LRP1B: variants seen among roughly 807,000 people sequenced by gnomAD.
LRP1B encodes LDL receptor related protein 1B, also known as low-density lipoprotein receptor-related protein 1B.
LRP1B carries 217 observed loss-of-function variants against 556.6 expected under a neutral mutation model. The observed-to-expected ratio is 0.39, with a 90% CI of 0.35 to 0.44. The LOEUF is 0.44. Among genes scored for constraint, LRP1B ranks in the 20% least tolerant of loss-of-function variants. LRP1B has a pLI of 1.00. For synonymous variants in LRP1B, 2,047 were observed against 1,865.8 expected, an observed-to-expected ratio of 1.10 and a Z score of -2.50; for missense variants, 5,053 against 5,620.8, an observed-to-expected ratio of 0.90 and a Z score of 3.23.
In LRP1B at chr2:141,062,182, T is replaced by C. The variant is rs138996626; in HGVS notation, c.1105A>G (p.Thr369Ala). Residue 369 changes from threonine to alanine, a missense_variant, in exon 8 of 91, where the codon ACA (threonine) becomes GCA (alanine). Thr to Ala is a moderately conservative substitution (Grantham distance 58, BLOSUM62 0). Around this residue, in one of 5 missense-constraint regions of LRP1B, gnomAD observed 3,619 missense variants for 3,931.9 expected, o/e 0.92. Coordinates refer to ENST00000389484, the MANE Select transcript of LRP1B (RefSeq NM_018557.3). ...AGTGCCAGTGCAGCTGGCTGCTCTGTCTTTGAATCAATTATCCTTGTTCGG... is the reference window on the plus strand; with the variant it reads ...AGTGCCAGTGCAGCTGGCTGCTCTGCCTTTGAATCAATTATCCTTGTTCGG... ...MNRTRIIDSKTEQPAALALDL... is the reference protein window; with the variant it reads ...MNRTRIIDSKAEQPAALALDL... 1,649 of 1,611,978 alleles carry C rather than the reference T, an allele frequency of 1.0e-3. 4 individuals are homozygous for C. The highest frequency in any genetic ancestry group is 1.3e-3 in the Non-Finnish European group (1,543 of 1,178,644).
At chr2:141,912,524 A>G (rs1216614388) in intron 1 of LRP1B, among the ~76,000 whole-genome samples, 2 of 152,194 alleles carry the variant, frequency 1.3e-5, no homozygotes, top group Non-Finnish European at 2.9e-5. Context: ...AGATGGAGCT[A>G]GGAAACATCA....
In LRP1B at chr2:141,859,170, A is replaced by G. The variant is rs557624167; in HGVS notation, c.83-48769T>C. ...AATACATTGCTTCCTTTTCCCTCAT[A>G]CAATTGTTTTGTCCCTTAAATATTC... On this transcript the variant is annotated intron_variant, in intron 1 of 90. Coordinates refer to ENST00000389484, the MANE Select transcript of LRP1B (RefSeq NM_018557.3). Among the ~76,000 whole-genome samples the G allele has an allele frequency of 2.0e-5, 3 of 152,272 alleles. No individual in the cohort carries two copies. In the South Asian group the frequency reaches 6.2e-4, roughly 32 times the overall value.
intron 2 of LRP1B, among the ~76,000 whole-genome samples, chr2:141,803,046 T>A (rs940356530): frequency 3.9e-5 from 6 of 152,090 alleles, no homozygotes; most frequent in Non-Finnish European, 8.8e-5. Flanking sequence ...TTCCCCATAG[T>A]TTATAGCCCC....
intron 2 of LRP1B, among the ~76,000 whole-genome samples, chr2:141,639,223 G>T (rs1333789891): frequency 7.2e-6 from 1 of 138,452 alleles, no homozygotes; most frequent in Non-Finnish European, 1.5e-5. Flanking sequence ...TCTTTGCATG[G>T]TCTCTTCACG....
At chr2:140,275,177 A>G (rs1428618295) in intron 84 of LRP1B, among the ~76,000 whole-genome samples, 1 of 152,004 alleles carries the variant, frequency 6.6e-6, no homozygotes, top group Non-Finnish European at 1.5e-5. Flanking sequence ...CCAGGCACAA[A>G]TGTTTCTTAT....
intron 4 of LRP1B, among the ~76,000 whole-genome samples, chr2:141,254,197 T>C (rs111458142): frequency 6.6e-6 from 1 of 152,124 alleles, no homozygotes; most frequent in Non-Finnish European, 1.5e-5. Context: ...TAATAACACA[T>C]GTCTACTAGA....
At chr2:141,700,018 A>T (rs374834252) in intron 2 of LRP1B, among the ~76,000 whole-genome samples, 14 of 151,412 alleles carry the variant, frequency 9.2e-5, no homozygotes, top group East Asian at 3.9e-4. Context: ...ATATGTAAAT[A>T]TGAGGTTTAG....
At chr2:141,660,765 G>A (rs576330780) in intron 2 of LRP1B, among the ~76,000 whole-genome samples, 162 of 152,186 alleles carry the variant, frequency 1.1e-3, no homozygotes, top group African/African-American at 3.6e-3. Flanking sequence ...TGAAAAATCC[G>A]GGCCGTCCAG....
chr2:140,608,132 T>G (rs1682937458), intron 41 of LRP1B, among the ~76,000 whole-genome samples: 1 of 152,066 alleles, frequency 6.6e-6, no homozygotes, highest in Non-Finnish European at 1.5e-5. Context: ...AAATAAAAAT[T>G]TTCATTATTT....
intron 47 of LRP1B, among the ~76,000 whole-genome samples, chr2:140,530,091 A>G (rs16844151): frequency 0.041 from 6,260 of 152,262 alleles, 210 homozygotes; most frequent in South Asian, 0.12. Flanking sequence ...TACTACTGAC[A>G]TCTAAATTCA....
chr2:141,941,187 G>C (rs1241680456), intron 1 of LRP1B, among the ~76,000 whole-genome samples: 1 of 152,156 alleles, frequency 6.6e-6, no homozygotes, highest in Non-Finnish European at 1.5e-5. Context: ...AAATAGATGA[G>C]TTAACATTTA....
chr2:142,037,924 T>C (rs897728955), intron 1 of LRP1B, among the ~76,000 whole-genome samples: 5 of 151,546 alleles, frequency 3.3e-5, no homozygotes, highest in Non-Finnish European at 5.9e-5. Flanking sequence ...AAGCTTGGTG[T>C]GAGCTCCTGG....
At chr2:141,156,418 G>C (rs1702068089) in intron 7 of LRP1B, among the ~76,000 whole-genome samples, 1 of 152,062 alleles carries the variant, frequency 6.6e-6, no homozygotes, top group African/African-American at 2.4e-5. Context: ...CCTGAAGTCA[G>C]GAGTTCAAGA....
chr2:141,299,950 T>C (rs554684651), intron 3 of LRP1B, among the ~76,000 whole-genome samples: 106 of 152,310 alleles, frequency 7.0e-4, no homozygotes, highest in African/African-American at 2.5e-3. Context: ...TCCAATATGA[T>C]GGCATTAGGA....
intron 22 of LRP1B, among the ~76,000 whole-genome samples, chr2:140,903,968 G>A (rs887961641): frequency 5.3e-5 from 8 of 151,956 alleles, no homozygotes; most frequent in African/African-American, 1.9e-4. Context: ...TGATTAGCTT[G>A]TAAAAAAGAT....
intron 20 of LRP1B, among the ~76,000 whole-genome samples, chr2:140,938,169 A>G (rs978574543): frequency 5.3e-5 from 8 of 152,022 alleles, no homozygotes; most frequent in African/African-American, 1.9e-4. Flanking sequence ...CAATAAAATA[A>G]CTGAACTAAA....
chr2:140,848,247 T>C (rs1485643623), intron 29 of LRP1B, among the ~76,000 whole-genome samples: 1 of 152,204 alleles, frequency 6.6e-6, no homozygotes, highest in Non-Finnish European at 1.5e-5. Flanking sequence ...TAATCCAGTC[T>C]AACAATGCTT....
At chr2:140,540,448 T>C (rs2105014777) in intron 45 of LRP1B, among the ~76,000 whole-genome samples, 1 of 152,220 alleles carries the variant, frequency 6.6e-6, no homozygotes, top group South Asian at 2.1e-4. Flanking sequence ...TAATTAAAGT[T>C]TGTAATGCCT....
chr2:141,424,106 C>A (rs12690494), intron 3 of LRP1B, among the ~76,000 whole-genome samples: 61,839 of 143,644 alleles, frequency 0.43, 13,671 homozygotes, highest in East Asian at 0.61. Flanking sequence ...CTATTACAAG[C>A]CTTCATCTTT....
Sources: gnomAD v4.1 joint callset for allele counts (sites outside exome capture counted in the v4.1 genomes callset) on GRCh38, gnomAD v4.1.1 for gene constraint, gnomAD v4.1.1 regional missense constraint, MANE v1.5 for transcripts, NCBI Gene and HGNC (gene_info 2026-07-23, HGNC 2026-07-21) for gene names.